The following SHISA6 variants were observed in gnomAD, a reference collection of about 807,000 sequenced individuals.
The protein encoded by SHISA6 is shisa family member 6.
Under a neutral mutation model 47.9 loss-of-function variants are expected in SHISA6, and 22 were observed. That is an observed-to-expected ratio of 0.46 (90% CI 0.33 to 0.66). SHISA6 has a LOEUF of 0.66. Ranked by LOEUF, SHISA6 falls within the 30% of genes least tolerant of loss-of-function variation. SHISA6 has a pLI of 0.02. For synonymous variants in SHISA6, 388 were observed against 337.8 expected (o/e 1.15, Z -1.63); for missense variants, 680 against 764.6 (o/e 0.89, Z 1.30).
rs539230549 is a variant in SHISA6, at chr17:11,272,744, C to G, written c.799+9218C>G. ...AAAGTGACTAGCAATGATGTGAACC[C>G]CATATTTGGGTCAGAAGTCCCAGTA... On this transcript the variant is annotated intron_variant, in intron 2 of 5. Transcript: ENST00000441885. Among the ~76,000 whole-genome samples, 6 of 152,248 alleles carry G rather than the reference C, an allele frequency of 3.9e-5. No homozygotes were observed. The East Asian group carries it at 1.2e-3, about 29-fold the overall frequency.
At chr17:11,430,520 A>T (rs2943039) in intron 3 of SHISA6, among the ~76,000 whole-genome samples, 1 of 151,850 alleles carries the variant, frequency 6.6e-6, no homozygotes, top group South Asian at 2.1e-4. Flanking sequence ...GGGGGTTTGG[A>T]GGTGTTTGTT....
intron 2 of SHISA6, chr17:11,290,228 A>G (rs1909473713): frequency 5.6e-5 from 1 of 17,982 alleles, no homozygotes; most frequent in African/African-American, 1.5e-4. Flanking sequence ...GTGTGTATGC[A>G]TGGCATATGT....
chr17:11,272,870 T>G (rs976280516), intron 2 of SHISA6, among the ~76,000 whole-genome samples: 3 of 152,196 alleles, frequency 2.0e-5, no homozygotes, highest in African/African-American at 7.2e-5. Flanking sequence ...GTCTTTAGAC[T>G]GCTTTGAAAC....
chr17:11,284,436 C>G (rs1909227092), intron 2 of SHISA6, among the ~76,000 whole-genome samples: 1 of 152,110 alleles, frequency 6.6e-6, no homozygotes, highest in African/African-American at 2.4e-5. Flanking sequence ...ACATTCCAGG[C>G]AACAGGAATG....
At chr17:11,479,534 G>C (rs968058833) in intron 3 of SHISA6, among the ~76,000 whole-genome samples, 1 of 151,772 alleles carries the variant, frequency 6.6e-6, no homozygotes, top group Non-Finnish European at 1.5e-5. Flanking sequence ...CCTAGATGAC[G>C]GGTTGATAGG....
At chr17:11,500,806 C>G (rs1163192134) in intron 3 of SHISA6, among the ~76,000 whole-genome samples, 1 of 152,176 alleles carries the variant, frequency 6.6e-6, no homozygotes, top group East Asian at 1.9e-4. Context: ...TCAGAAAGTG[C>G]TATTGGACAT....
intron 2 of SHISA6, among the ~76,000 whole-genome samples, chr17:11,346,302 C>T (rs980669476): frequency 7.9e-5 from 12 of 152,056 alleles, no homozygotes; most frequent in Non-Finnish European, 1.5e-4. Context: ...TTAAACCAAC[C>T]TTGAATTTTG....
chr17:11,462,454 G>A (rs990123272), intron 3 of SHISA6, among the ~76,000 whole-genome samples: 22 of 152,204 alleles, frequency 1.4e-4, no homozygotes, highest in African/African-American at 5.1e-4. Flanking sequence ...CAAATACAGA[G>A]TGCCAGGCTG....
intron 2 of SHISA6, among the ~76,000 whole-genome samples, chr17:11,336,225 T>A (rs1473986736): frequency 6.6e-6 from 1 of 151,984 alleles, no homozygotes; most frequent in Admixed American, 6.6e-5. Context: ...ATAGTAATAA[T>A]AATAATAATC....
chr17:11,557,971 G>C lies in SHISA6; in HGVS notation c.1323G>C (p.Leu441=). ...DEFSMPYDRI[L]SDEQLLSTER... ...TCAGCATGCCCTACGACCGCATCCT[G>C]TCCGACGAGCAGCTGCTCTCCACGG... Residue 441 remains leucine, a synonymous_variant, in exon 6 of 6, where the codon CTG becomes CTC. Coordinates refer to ENST00000441885, the MANE Select transcript of SHISA6 (RefSeq NM_207386.4). 1 of 1,551,514 alleles carries C rather than the reference G, an allele frequency of 6.4e-7. No homozygotes were observed. Among genetic ancestry groups the C allele is most frequent in the Non-Finnish European group, 8.7e-7 (1 of 1,146,936 alleles).
At chr17:11,383,621 A>G (rs1434637317) in intron 3 of SHISA6, among the ~76,000 whole-genome samples, 1 of 152,108 alleles carries the variant, frequency 6.6e-6, no homozygotes, top group Non-Finnish European at 1.5e-5. Flanking sequence ...AGGCACTAGA[A>G]TTAGTTCTGA....
At chr17:11,270,820 G>A (rs1461368798) in intron 2 of SHISA6, among the ~76,000 whole-genome samples, 5 of 152,170 alleles carry the variant, frequency 3.3e-5, no homozygotes, top group Admixed American at 2.6e-4. Flanking sequence ...CTAGAGACAC[G>A]TCCTTCTCTG....
chr17:11,342,486 C>T (rs1911568819), intron 2 of SHISA6, among the ~76,000 whole-genome samples: 4 of 152,054 alleles, frequency 2.6e-5, no homozygotes, highest in Admixed American at 2.6e-4. Flanking sequence ...TGCAAAGGGT[C>T]TTCGTGAGCT....
At chr17:11,340,296 A>G (rs972378515) in intron 2 of SHISA6, among the ~76,000 whole-genome samples, 1 of 152,206 alleles carries the variant, frequency 6.6e-6, no homozygotes, top group African/African-American at 2.4e-5. Context: ...GGTGGCCTAG[A>G]TGATTCTTCT....
intron 3 of SHISA6, among the ~76,000 whole-genome samples, chr17:11,527,534 T>C (rs2071696519): frequency 6.6e-6 from 1 of 152,214 alleles, no homozygotes. Flanking sequence ...TAGTATTATT[T>C]ATTAGATAAT....
At chr17:11,410,298 A>G (rs1914079766) in intron 3 of SHISA6, among the ~76,000 whole-genome samples, 1 of 152,194 alleles carries the variant, frequency 6.6e-6, no homozygotes, top group Non-Finnish European at 1.5e-5. Context: ...CACTGAAGCA[A>G]TAGCAATCCT....
chr17:11,339,220 A>G (rs1403724020), intron 2 of SHISA6, among the ~76,000 whole-genome samples: 2 of 151,780 alleles, frequency 1.3e-5, no homozygotes, highest in Admixed American at 1.3e-4. Flanking sequence ...GGCCTGTTAT[A>G]TGTGATGTTG....
Position 11,242,017 on chromosome 17 carries a change from T to G in SHISA6, c.595T>G (p.Tyr199Asp). The change falls in exon 1 of 6, where the codon TAC becomes GAC. Residue 199 changes from tyrosine to aspartate, a missense_variant. This residue lies in a region of SHISA6 where 559 missense variants were observed against 674.1 expected (regional missense o/e 0.83). Transcript: ENST00000441885. ...GGCCGGCGTCTTCGCCAAGGTCTCC[T>G]ACGACAAGGCCCACCGCCCTCCACG... is the stretch of plus-strand genomic sequence containing the variant. ...IVAGVFAKVS[Y>D]DKAHRPPREM... 6.4e-7 allele frequency: 1 copy of G among 1,551,012 alleles called. No homozygotes were observed. The highest frequency in any genetic ancestry group is 8.7e-7 in the Non-Finnish European group (1 of 1,146,992).
At chr17:11,509,258 C>T (rs1024259895) in intron 3 of SHISA6, among the ~76,000 whole-genome samples, 32 of 152,180 alleles carry the variant, frequency 2.1e-4, no homozygotes, top group African/African-American at 4.8e-4. Flanking sequence ...AGATTGTATT[C>T]GCAAGTCCAT....
Sources: allele counts gnomAD v4.1 joint callset (sites outside exome capture counted in the v4.1 genomes callset), GRCh38; gene constraint gnomAD v4.1.1; regional missense constraint gnomAD v4.1.1; transcripts MANE v1.5; gene names NCBI Gene and HGNC (gene_info 2026-07-23, HGNC 2026-07-21).